The following PLXNA4 variants were observed in gnomAD, a reference collection of about 807,000 sequenced individuals.
PLXNA4 encodes the protein plexin A4, also known as plexin-A4.
PLXNA4 carries 44 observed loss-of-function variants against 191.8 expected under a neutral mutation model. That is an observed-to-expected ratio of 0.23 (90% CI 0.18 to 0.29). PLXNA4 has a LOEUF of 0.29. Among genes scored for constraint, PLXNA4 ranks in the 10% least tolerant of loss-of-function variants. PLXNA4 has a pLI of 1.00. For missense variants in PLXNA4, 1,800 were observed against 2,488.8 expected (o/e 0.72, Z 5.89); for synonymous variants, 1,082 against 1,009.5 (o/e 1.07, Z -1.36).
At chr7:132,387,904 C>T (rs1184473826) in intron 3 of PLXNA4, among the ~76,000 whole-genome samples, 1 of 152,042 alleles carries the variant, frequency 6.6e-6, no homozygotes, top group African/African-American at 2.4e-5. Context: ...CTCTCTGAAC[C>T]CTGCTCTGTC....
chr7:132,414,005 C>T (rs1446361789), intron 3 of PLXNA4, among the ~76,000 whole-genome samples: 2 of 152,230 alleles, frequency 1.3e-5, no homozygotes, highest in Non-Finnish European at 2.9e-5. Context: ...GCAGATAGAG[C>T]TATCTCTCTT....
chr7:132,256,108 C>T lies in PLXNA4; in HGVS notation c.1504-14942G>A, dbSNP rs555269209. Among the ~76,000 whole-genome samples, 17 of 152,288 alleles carry T rather than the reference C, an allele frequency of 1.1e-4. No homozygotes were observed. In the South Asian group the frequency reaches 3.3e-3, roughly 30 times the overall value. ...TGTTGGGACATGAGTTGGCACGGCA[C>T]GTCTGGAAGGCCAGGGTCAGGCAGT... On this transcript the variant is annotated intron_variant, in intron 4 of 31. Coordinates refer to ENST00000321063, the MANE Select transcript of PLXNA4 (RefSeq NM_020911.2).
intron 3 of PLXNA4, among the ~76,000 whole-genome samples, chr7:132,400,270 C>G (rs564253025): frequency 2.0e-5 from 3 of 152,266 alleles, no homozygotes; most frequent in African/African-American, 7.2e-5. Flanking sequence ...AAGTAAAGGA[C>G]TCCACTTTCT....
intron 4 of PLXNA4, among the ~76,000 whole-genome samples, chr7:132,288,395 A>G (rs1036687604): frequency 6.6e-6 from 1 of 152,188 alleles, no homozygotes; most frequent in African/African-American, 2.4e-5. Context: ...TGAAGTGGGA[A>G]GTGGGAATAT....
At chr7:132,171,565 G>C (rs527889201) in intron 21 of PLXNA4, among the ~76,000 whole-genome samples, 1 of 152,206 alleles carries the variant, frequency 6.6e-6, no homozygotes, top group African/African-American at 2.4e-5. Flanking sequence ...TAGAGAGGTG[G>C]AAGAGGACAT....
At chr7:132,460,365 A>T (rs1796462181) in intron 3 of PLXNA4, among the ~76,000 whole-genome samples, 1 of 150,832 alleles carries the variant, frequency 6.6e-6, no homozygotes, top group African/African-American at 2.4e-5. Context: ...ACACTGTCTC[A>T]AAAAAAGAAA....
chr7:132,435,333 C>T (rs1328266526), intron 3 of PLXNA4, among the ~76,000 whole-genome samples: 1 of 152,084 alleles, frequency 6.6e-6, no homozygotes, highest in Non-Finnish European at 1.5e-5. Context: ...ATCTAGACAA[C>T]ATCAAGAGCC....
chr7:132,426,949 C>G (rs1795067686), intron 3 of PLXNA4, among the ~76,000 whole-genome samples: 1 of 152,114 alleles, frequency 6.6e-6, no homozygotes, highest in African/African-American at 2.4e-5. Context: ...CCTAGAGTCC[C>G]ACAGGCCAGA....
chr7:132,560,316 C>T (rs529986862), intron 1 of PLXNA4, among the ~76,000 whole-genome samples: 2 of 152,248 alleles, frequency 1.3e-5, no homozygotes, highest in East Asian at 1.9e-4. Flanking sequence ...CTCAACCTCC[C>T]GGGATTGTTC....
At position 132,573,158 on chromosome 7, in the gene PLXNA4, G is replaced by A. The variant is rs184498902; in HGVS notation, c.-87+3264C>T. On this transcript the variant is annotated intron_variant, in intron 1 of 31. Coordinates refer to ENST00000321063, the MANE Select transcript of PLXNA4 (RefSeq NM_020911.2). ...GAAATGAACCTACTCAATAGCCCAG[G>A]GTCTGAGCCAGTTTCACATTGGGTA... 1.4e-3 allele frequency among the ~76,000 whole-genome samples: 218 copies of A among 152,120 alleles called. 1 individual carries two copies. The highest frequency in any genetic ancestry group is 5.1e-3 in the African/African-American group (212 of 41,486).
intron 4 of PLXNA4, among the ~76,000 whole-genome samples, chr7:132,253,362 A>G (rs372274763): frequency 6.6e-6 from 1 of 151,520 alleles, no homozygotes; most frequent in Non-Finnish European, 1.5e-5. Context: ...CAGCCTCCTG[A>G]GTAGCTGAGA....
At chr7:132,265,728 G>C (rs1049141546) in intron 4 of PLXNA4, among the ~76,000 whole-genome samples, 1 of 152,178 alleles carries the variant, frequency 6.6e-6, no homozygotes, top group Non-Finnish European at 1.5e-5. Context: ...CTGAAGAACA[G>C]GACAGGGCTC....
At chr7:132,385,422 T>C in intron 3 of PLXNA4, 5 of 1,329,532 alleles carry the variant, frequency 3.8e-6, no homozygotes, top group Middle Eastern at 1.9e-4. Context: ...ACAGTAAATA[T>C]GTATTACAAA....
chr7:132,215,878 T>G (rs534900556), intron 9 of PLXNA4, among the ~76,000 whole-genome samples: 9 of 152,352 alleles, frequency 5.9e-5, no homozygotes, highest in African/African-American at 1.4e-4. Context: ...TGTTTATCTG[T>G]ATCCTTTGCA....
At chr7:132,488,863 G>T (rs368997858) in intron 3 of PLXNA4, among the ~76,000 whole-genome samples, 6 of 152,308 alleles carry the variant, frequency 3.9e-5, no homozygotes, top group African/African-American at 1.4e-4. Context: ...TCCTCCATCT[G>T]TTCCCTGAAT....
intron 3 of PLXNA4, among the ~76,000 whole-genome samples, chr7:132,460,032 G>A (rs902785842): frequency 6.7e-6 from 1 of 150,130 alleles, no homozygotes; most frequent in Non-Finnish European, 1.5e-5. Flanking sequence ...GAATACTTAT[G>A]GCTGTGTACA....
At chr7:132,455,263 C>T (rs1796271153) in intron 3 of PLXNA4, among the ~76,000 whole-genome samples, 1 of 152,130 alleles carries the variant, frequency 6.6e-6, no homozygotes, top group African/African-American at 2.4e-5. Flanking sequence ...AATCATGGAG[C>T]TGAGACAAAA....
chr7:132,197,796 C>G (rs1436909753), intron 13 of PLXNA4, among the ~76,000 whole-genome samples: 2 of 152,122 alleles, frequency 1.3e-5, no homozygotes, highest in Non-Finnish European at 2.9e-5. Flanking sequence ...TGCGAAGAGT[C>G]AATAACTTAT....
chr7:132,539,692 G>A (rs1006178347), intron 1 of PLXNA4, among the ~76,000 whole-genome samples: 3 of 152,194 alleles, frequency 2.0e-5, no homozygotes, highest in African/African-American at 7.2e-5. Flanking sequence ...CAGGGTTGTT[G>A]GTTACAAAGA....
Sources: allele counts gnomAD v4.1 joint callset (sites outside exome capture counted in the v4.1 genomes callset), GRCh38; gene constraint gnomAD v4.1.1; transcripts MANE v1.5; gene names NCBI Gene and HGNC (gene_info 2026-07-23, HGNC 2026-07-21).